The following ETV7 variants were observed in gnomAD, a reference collection of about 807,000 sequenced individuals.
ETV7 encodes transcription factor ETV7.
ETV7 carries 43 observed loss-of-function variants against 39.1 expected under a neutral mutation model. The observed-to-expected ratio is 1.10, with a 90% CI of 0.86 to 1.42. The LOEUF is 1.42. ETV7 is among the 40% of genes most tolerant of loss of function. The probability of loss-of-function intolerance (pLI) is 0.00; values close to 1 mark genes in which losing one functional copy is unlikely to be tolerated. For synonymous variants in ETV7, 196 were observed against 176.6 expected (o/e 1.11, Z -0.87); for missense variants, 432 against 442.3 (o/e 0.98, Z 0.21).
rs1357569982 is a variant in ETV7 at position 36,376,100 on chromosome 6, A to G, written c.143-65T>C. 7 of 1,473,890 alleles carry G rather than the reference A, an allele frequency of 4.7e-6. No homozygotes were observed. In the East Asian group the frequency reaches 1.4e-4, roughly 29 times the overall value. 91.3% of individuals were successfully genotyped at this position (1,473,890 alleles called of 1,614,324 possible). ...GCCTCCTCAAAGAAGCCCACCCTGA[A>G]CACTTCATCTGAGCAGATGCTCCCC... On this transcript the variant is annotated intron_variant, in intron 2 of 7. Transcript: ENST00000340181.
Position 36,371,348 on chromosome 6 carries a change from T to C in ETV7, c.646A>G (p.Ile216Val), listed in dbSNP as rs1404980182. The C allele has an allele frequency of 1.2e-5, 19 of 1,592,242 alleles. No individual in the cohort carries two copies. The highest frequency in any genetic ancestry group is 1.6e-5 in the Non-Finnish European group (19 of 1,168,106). The change falls in exon 5 of 8, where the codon ATT (isoleucine) becomes GTT (valine). Residue 216 changes from isoleucine to valine, a missense_variant. Transcript: ENST00000340181. ...CACTCACCAGCGATCCTGCCGTCAA[T>C]GGGGGCCTGCGGCATCGCGGGGAAG... ...CSFPAMPQAPIDGRIADCRLL... is the reference protein window; with the variant it reads ...CSFPAMPQAPVDGRIADCRLL...
chr6:36,384,576 T>C (rs950335909), intron 2 of ETV7, among the ~76,000 whole-genome samples: 7 of 152,154 alleles, frequency 4.6e-5, no homozygotes, highest in South Asian at 4.1e-4. Flanking sequence ...TAGAAAGTGT[T>C]TCTTAGAAGT....
chr6:36,379,392 T>A lies in ETV7; in HGVS notation c.143-3357A>T, dbSNP rs1052103263. 2.6e-5 allele frequency among the ~76,000 whole-genome samples: 4 copies of A among 151,768 alleles called. No individual in the cohort carries two copies. The South Asian group carries it at 8.3e-4, about 32-fold the overall frequency. Reference sequence around the variant, plus strand: ...ACCCTTGACTCTACAAACAAAAAAATTTTTTTTAATTAGCCAGGCATGGTG... The same window carrying A: ...ACCCTTGACTCTACAAACAAAAAAAATTTTTTTAATTAGCCAGGCATGGTG... On this transcript the variant is annotated intron_variant, in intron 2 of 7. Transcript: ENST00000340181.
chr6:36,379,574 AG>A (rs1773549203), intron 2 of ETV7, among the ~76,000 whole-genome samples: 1 of 150,976 alleles, frequency 6.6e-6, no homozygotes, highest in South Asian at 2.1e-4. Flanking sequence ...AAGAAGAAGA[AG>A]AAGAAGAAGA....
chr6:36,359,177 G>A (rs577149830), intron 7 of ETV7, among the ~76,000 whole-genome samples: 71 of 152,330 alleles, frequency 4.7e-4, no homozygotes, highest in African/African-American at 1.6e-3. Flanking sequence ...CAGGCTGGGC[G>A]AAGTGGCTCA....
chr6:36,368,072 A>G (rs1772818138), intron 6 of ETV7, among the ~76,000 whole-genome samples: 1 of 152,194 alleles, frequency 6.6e-6, no homozygotes. Flanking sequence ...GAGCAGTATA[A>G]TATAGTGCAG....
intron 2 of ETV7, among the ~76,000 whole-genome samples, chr6:36,376,445 T>C (rs1286576314): frequency 1.3e-5 from 2 of 152,180 alleles, no homozygotes; most frequent in Admixed American, 1.3e-4. Flanking sequence ...AGAAAACACA[T>C]GTTGAGTGAG....
At chr6:36,363,224 C>T (rs1042446817), downstream of ETV7, among the ~76,000 whole-genome samples, 1 of 152,206 alleles carries the variant, frequency 6.6e-6, no homozygotes, top group Non-Finnish European at 1.5e-5. Flanking sequence ...CTTCAGGTGG[C>T]GCATCTGGAG....
At chr6:36,354,123 G>C (rs1772280449) in exon 8 of ETV7, 1 of 150,448 alleles carries the variant, frequency 6.6e-6, no homozygotes, top group South Asian at 2.1e-4. Context: ...TTGAGTTGTA[G>C]GAATTCTTTA....
chr6:36,374,565 C>T (rs1773212704), intron 3 of ETV7, among the ~76,000 whole-genome samples: 1 of 152,186 alleles, frequency 6.6e-6, no homozygotes, highest in Admixed American at 6.5e-5. Context: ...GAGAGACGAA[C>T]AAGGGCATGA....
chr6:36,375,566 G>A (rs1773279939), intron 3 of ETV7, among the ~76,000 whole-genome samples: 1 of 152,152 alleles, frequency 6.6e-6, no homozygotes, highest in African/African-American at 2.4e-5. Flanking sequence ...CGGGTGGGAG[G>A]CAACAGGATG....
At position 36,385,667 on chromosome 6, in the gene ETV7, C is replaced by T; in HGVS notation, c.9G>A (p.Glu3=). The change falls in exon 2 of 8, where the codon GAG becomes GAA. Residue 3 remains glutamate, a splice_region_variant and synonymous_variant. Coordinates refer to ENST00000340181, the MANE Select transcript of ETV7 (RefSeq NM_016135.4). MQ[E]GELAISPISP... Reference sequence around the variant, plus strand: ...TTATAGGAGAAATAGCCAATTCTCCCTCCTAGAGAGAGAAAAACCAGGACA... The same window carrying T: ...TTATAGGAGAAATAGCCAATTCTCCTTCCTAGAGAGAGAAAAACCAGGACA... The T allele has an allele frequency of 1.2e-6, 2 of 1,602,810 alleles. No individual in the cohort carries two copies. Among genetic ancestry groups the T allele is most frequent in the Non-Finnish European group, 1.7e-6 (2 of 1,176,072 alleles).
At chr6:36,362,227 G>C (rs970160439), downstream of ETV7, among the ~76,000 whole-genome samples, 1 of 152,010 alleles carries the variant, frequency 6.6e-6, no homozygotes, top group Admixed American at 6.6e-5. Flanking sequence ...GCGTGAACCC[G>C]GGAGGCAGAG....
At chr6:36,354,106 TTTATTA>T (rs1314958505) in exon 8 of ETV7, 1 of 152,160 alleles carries the variant, frequency 6.6e-6, no homozygotes, top group Non-Finnish European at 1.5e-5. Context: ...TTTTTGTCTT[TTTATTA>T]TTGAGTTGTA....
At chr6:36,367,714 G>A (rs538818305) in intron 6 of ETV7, among the ~76,000 whole-genome samples, 2 of 152,076 alleles carry the variant, frequency 1.3e-5, no homozygotes, top group East Asian at 1.9e-4. Flanking sequence ...TCTCTCGGGG[G>A]TAGGCAGTGT....
chr6:36,375,298 G>A (rs528462305), intron 3 of ETV7, among the ~76,000 whole-genome samples: 1 of 152,202 alleles, frequency 6.6e-6, no homozygotes, highest in East Asian at 1.9e-4. Flanking sequence ...ACTCAGATGC[G>A]ATTCTAGAGG....
At position 36,375,802 on chromosome 6, in the gene ETV7, C is replaced by T. The variant is rs765886158; in HGVS notation, c.307+69G>A. On this transcript the variant is annotated intron_variant, in intron 3 of 7. Transcript: ENST00000340181. ...CCTCCATCTCCCTCCCTGGGCCCCC[C>T]GGGGGTACTTGGGCCATCCTGGCCT... 225 of 1,608,698 alleles carry T rather than the reference C, an allele frequency of 1.4e-4. 1 individual carries two copies. The highest frequency in any genetic ancestry group is 5.1e-4 in the African/African-American group (38 of 75,032).
chr6:36,381,788 G>A (rs756544782), intron 2 of ETV7, among the ~76,000 whole-genome samples: 1 of 152,212 alleles, frequency 6.6e-6, no homozygotes, highest in African/African-American at 2.4e-5. Flanking sequence ...CATCAGAGGA[G>A]GGGAATGGGA....
chr6:36,367,138 G>C (rs1267616220), intron 6 of ETV7, among the ~76,000 whole-genome samples, 163 bp from the exon 7 acceptor site: 1 of 152,072 alleles, frequency 6.6e-6, no homozygotes, highest in East Asian at 1.9e-4. Context: ...AAAGGCAGGG[G>C]AAGGTTGGGG....
Sources: allele counts gnomAD v4.1 joint callset (sites outside exome capture counted in the v4.1 genomes callset), GRCh38; gene constraint gnomAD v4.1.1; transcripts MANE v1.5; gene names NCBI Gene and HGNC (gene_info 2026-07-23, HGNC 2026-07-21).